FBXL7: variants seen among roughly 807,000 people sequenced by gnomAD.
FBXL7 encodes the protein F-box/LRR-repeat protein 7.
Under a neutral mutation model 38.3 loss-of-function variants are expected in FBXL7, and 12 were observed. That is an observed-to-expected ratio of 0.31 (90% CI 0.20 to 0.51). The LOEUF is 0.51. Among genes scored for constraint, FBXL7 ranks in the 20% least tolerant of loss-of-function variants. The probability of loss-of-function intolerance (pLI) is 0.98; values close to 1 mark genes in which losing one functional copy is unlikely to be tolerated. For missense variants in FBXL7, 567 were observed against 676.4 expected (o/e 0.84, Z 1.79); for synonymous variants, 297 against 300.9 (o/e 0.99, Z 0.13).
intron 2 of FBXL7, among the ~76,000 whole-genome samples, chr5:15,779,553 G>C (rs1389952956): frequency 2.6e-5 from 4 of 152,060 alleles, no homozygotes; most frequent in African/African-American, 9.7e-5. Flanking sequence ...TTGTCTCCAA[G>C]AGGTGACTTT....
At chr5:15,602,626 C>A (rs113134180) in intron 1 of FBXL7, among the ~76,000 whole-genome samples, 26 of 151,994 alleles carry the variant, frequency 1.7e-4, no homozygotes, top group African/African-American at 5.1e-4. Context: ...AAAAAGCAGT[C>A]GTACTAAACA....
At chr5:15,742,186 TAATA>T (rs1226693868) in intron 2 of FBXL7, among the ~76,000 whole-genome samples, 30 of 152,312 alleles carry the variant, frequency 2.0e-4, no homozygotes, top group African/African-American at 6.7e-4. Flanking sequence ...GTTTGGTCTT[TAATA>T]AATCAAAATC....
At chr5:15,878,841 C>T (rs1053311821) in intron 2 of FBXL7, among the ~76,000 whole-genome samples, 5 of 152,134 alleles carry the variant, frequency 3.3e-5, no homozygotes, top group Non-Finnish European at 7.3e-5. Flanking sequence ...TTCAAGCTGC[C>T]CTTGGCTGAC....
At chr5:15,837,897 A>G (rs745523191) in intron 2 of FBXL7, among the ~76,000 whole-genome samples, 1 of 152,062 alleles carries the variant, frequency 6.6e-6, no homozygotes, top group Non-Finnish European at 1.5e-5. Context: ...ATTTTTAGAG[A>G]GAGTTTTGAA....
intron 1 of FBXL7, among the ~76,000 whole-genome samples, chr5:15,579,485 A>T (rs1295871522): frequency 6.6e-6 from 1 of 152,186 alleles, no homozygotes; most frequent in Non-Finnish European, 1.5e-5. Context: ...AAGTTACGAA[A>T]CACAGATGCT....
intron 1 of FBXL7, chr5:15,501,462 A>C (rs889236135): frequency 1.0e-6 from 1 of 985,530 alleles, no homozygotes. Context: ...TTGTATCCCA[A>C]TTAGCAGCTA....
At chr5:15,798,622 G>C (rs1229947160) in intron 2 of FBXL7, among the ~76,000 whole-genome samples, 1 of 152,204 alleles carries the variant, frequency 6.6e-6, no homozygotes, top group Non-Finnish European at 1.5e-5. Context: ...ATTGGAAGAA[G>C]ACTTCTCACT....
intron 2 of FBXL7, among the ~76,000 whole-genome samples, chr5:15,692,236 T>C (rs1178676593): frequency 6.6e-6 from 1 of 152,208 alleles, no homozygotes; most frequent in Non-Finnish European, 1.5e-5. Flanking sequence ...GAGTACCTAC[T>C]TCATAGAGAT....
At chr5:15,629,516 A>G (rs138159112) in intron 2 of FBXL7, among the ~76,000 whole-genome samples, 42 of 152,324 alleles carry the variant, frequency 2.8e-4, no homozygotes, top group African/African-American at 9.6e-4. Flanking sequence ...AACCAAACAT[A>G]TAACTTATAT....
chr5:15,919,132 CA>C (rs1741675369), intron 2 of FBXL7, among the ~76,000 whole-genome samples: 1 of 152,088 alleles, frequency 6.6e-6, no homozygotes, highest in South Asian at 2.1e-4. Context: ...AGGAAAAAGA[CA>C]ACTTATAATA....
chr5:15,548,887 T>C (rs1034675623), intron 1 of FBXL7, among the ~76,000 whole-genome samples: 2 of 152,326 alleles, frequency 1.3e-5, no homozygotes, highest in East Asian at 3.9e-4. Context: ...CAACTGGATA[T>C]GCATTTGTGT....
intron 1 of FBXL7, 139 bp downstream of exon 1, chr5:15,500,852 C>G (rs1471206365): frequency 6.7e-6 from 7 of 1,037,592 alleles, no homozygotes; most frequent in Non-Finnish European, 1.0e-5. Context: ...ACCACCTTCT[C>G]CTTTGGCAGT....
At chr5:15,505,130 C>A (rs768629600) in intron 1 of FBXL7, among the ~76,000 whole-genome samples, 3 of 152,166 alleles carry the variant, frequency 2.0e-5, no homozygotes, top group Admixed American at 6.5e-5. Context: ...CCATCGCCAC[C>A]TCAGGAAACA....
At chr5:15,595,571 A>G (rs1427547755) in intron 1 of FBXL7, among the ~76,000 whole-genome samples, 1 of 152,196 alleles carries the variant, frequency 6.6e-6, no homozygotes. Flanking sequence ...TTGCAACAGT[A>G]TTACTAGGTA....
intron 2 of FBXL7, among the ~76,000 whole-genome samples, chr5:15,673,534 C>T (rs776496209): frequency 3.9e-5 from 6 of 152,060 alleles, no homozygotes; most frequent in Non-Finnish European, 4.4e-5. Flanking sequence ...TTTAAGCAGG[C>T]GTTATTCTTC....
chr5:15,723,577 G>T (rs560597183), intron 2 of FBXL7, among the ~76,000 whole-genome samples: 5 of 152,158 alleles, frequency 3.3e-5, no homozygotes, highest in Non-Finnish European at 2.9e-5. Flanking sequence ...GCAGTAATAC[G>T]CATGACATAG....
chr5:15,543,951 A>G (rs187528502), intron 1 of FBXL7, among the ~76,000 whole-genome samples: 80 of 152,304 alleles, frequency 5.3e-4, no homozygotes, highest in Admixed American at 1.6e-3. Context: ...GGACTGGGGC[A>G]CCATACCAAA....
intron 3 of FBXL7, among the ~76,000 whole-genome samples, chr5:15,934,484 A>G (rs766661092): frequency 5.6e-4 from 85 of 151,954 alleles, no homozygotes; most frequent in Non-Finnish European, 3.2e-4. Context: ...AAATATATAA[A>G]TTATATAGTG....
At chr5:15,839,202 C>G (rs974239739) in intron 2 of FBXL7, among the ~76,000 whole-genome samples, 3 of 151,358 alleles carry the variant, frequency 2.0e-5, no homozygotes, top group Non-Finnish European at 2.9e-5. Flanking sequence ...CATAACTTAT[C>G]TTTCATTCGT....
Sources: gnomAD v4.1 joint callset for allele counts (sites outside exome capture counted in the v4.1 genomes callset) on GRCh38, gnomAD v4.1.1 for gene constraint, MANE v1.5 for transcripts, NCBI Gene and HGNC (gene_info 2026-07-23, HGNC 2026-07-21) for gene names.